Variants in WWC1 observed in about 807,000 individuals in gnomAD.
The protein encoded by WWC1 is WW and C2 domain containing 1, also known as protein KIBRA.
A neutral mutation model predicts 138.4 loss-of-function variants in WWC1; 55 were observed. The observed-to-expected ratio is 0.40, with a 90% CI of 0.32 to 0.50. The LOEUF is 0.50. WWC1 is among the 20% of genes least tolerant of loss of function. The pLI is 0.72. For missense variants in WWC1, 1,226 were observed against 1,420.4 expected, an observed-to-expected ratio of 0.86 and a Z score of 2.20; for synonymous variants, 524 against 564.9, an observed-to-expected ratio of 0.93 and a Z score of 1.03.
chr5:168,412,879 A>G (rs1247117542), intron 8 of WWC1, among the ~76,000 whole-genome samples: 1 of 152,226 alleles, frequency 6.6e-6, no homozygotes, highest in African/African-American at 2.4e-5. Flanking sequence ...GCCATTTTAT[A>G]TAAAGCACTT....
intron 3 of WWC1, among the ~76,000 whole-genome samples, chr5:168,389,597 G>GTTTTTTTTTT (rs55873477): frequency 4.6e-5 from 6 of 129,328 alleles, no homozygotes; most frequent in African/African-American, 1.2e-4. Context: ...TTGAATTTTT[G>GTTTTTTTTTT]TTTTTTTTTT....
At chr5:168,436,103 A>C (rs1782331321) in intron 15 of WWC1, among the ~76,000 whole-genome samples, 1 of 152,092 alleles carries the variant, frequency 6.6e-6, no homozygotes, top group African/African-American at 2.4e-5. Context: ...TTTTCCTCCG[A>C]AAGTGGTGGG....
At chr5:168,307,390 A>G (rs1770670176) in intron 1 of WWC1, among the ~76,000 whole-genome samples, 1 of 151,890 alleles carries the variant, frequency 6.6e-6, no homozygotes, top group South Asian at 2.1e-4. Flanking sequence ...TGATTCCTTC[A>G]TTGGCACTTT....
At chr5:168,437,773 G>A (rs1449432286) in intron 15 of WWC1, among the ~76,000 whole-genome samples, 1 of 152,164 alleles carries the variant, frequency 6.6e-6, no homozygotes, top group Non-Finnish European at 1.5e-5. Flanking sequence ...TCTGCTGGAG[G>A]TGTTACACCT....
chr5:168,433,957 G>A (rs11134513), intron 15 of WWC1, among the ~76,000 whole-genome samples: 10,409 of 152,266 alleles, frequency 0.068, 987 homozygotes, highest in East Asian at 0.36. Flanking sequence ...GGCAGAAGCC[G>A]TATTTGAACC....
At chr5:168,307,821 A>G (rs1374480438) in intron 1 of WWC1, among the ~76,000 whole-genome samples, 1 of 152,004 alleles carries the variant, frequency 6.6e-6, no homozygotes, top group Non-Finnish European at 1.5e-5. Context: ...CATGTTAGCC[A>G]GGCTGGTCTC....
chr5:168,367,103 G>A (rs1284065054), intron 1 of WWC1, among the ~76,000 whole-genome samples: 1 of 151,810 alleles, frequency 6.6e-6, no homozygotes, highest in African/African-American at 2.4e-5. Context: ...AGCCGACTTT[G>A]AAACACTTAA....
chr5:168,293,843 C>T (rs1187257173), intron 1 of WWC1, among the ~76,000 whole-genome samples: 4 of 152,196 alleles, frequency 2.6e-5, no homozygotes, highest in Non-Finnish European at 5.9e-5. Context: ...TGCCATTCTG[C>T]GTACCAGTTC....
At chr5:168,298,432 C>T (rs771900392) in intron 1 of WWC1, among the ~76,000 whole-genome samples, 15 of 152,182 alleles carry the variant, frequency 9.9e-5, no homozygotes, top group Non-Finnish European at 1.8e-4. Context: ...TAATGATCCA[C>T]TAATACCTGT....
intron 15 of WWC1, among the ~76,000 whole-genome samples, chr5:168,434,877 T>G (rs1482758724): frequency 3.3e-5 from 5 of 152,168 alleles, no homozygotes; most frequent in Non-Finnish European, 7.3e-5. Context: ...CAGGCCCCAC[T>G]GACGTCCCAT....
intron 1 of WWC1, among the ~76,000 whole-genome samples, chr5:168,321,816 C>T (rs548391261): frequency 1.3e-5 from 2 of 152,332 alleles, no homozygotes; most frequent in East Asian, 1.9e-4. Flanking sequence ...GGATTACAGG[C>T]GTGAGCCACG....
At chr5:168,361,287 G>A (rs1775859423) in intron 1 of WWC1, among the ~76,000 whole-genome samples, 1 of 152,164 alleles carries the variant, frequency 6.6e-6, no homozygotes, top group African/African-American at 2.4e-5. Context: ...TCAGGAATGA[G>A]GATGAAGCTG....
At chr5:168,298,675 G>A (rs1458052973) in intron 1 of WWC1, among the ~76,000 whole-genome samples, 1 of 152,160 alleles carries the variant, frequency 6.6e-6, no homozygotes, top group Non-Finnish European at 1.5e-5. Flanking sequence ...AGCATCTATT[G>A]AGTGTTTACT....
At chr5:168,363,284 G>T (rs1044873377) in intron 1 of WWC1, among the ~76,000 whole-genome samples, 1 of 152,068 alleles carries the variant, frequency 6.6e-6, no homozygotes, top group African/African-American at 2.4e-5. Context: ...AGAATTTTGG[G>T]AGGCCGAGGC....
chr5:168,419,991 C>T (rs578010187), intron 9 of WWC1, among the ~76,000 whole-genome samples: 9 of 152,294 alleles, frequency 5.9e-5, no homozygotes, highest in East Asian at 3.9e-4. Flanking sequence ...TGTGACATTC[C>T]GTCACATCCA....
intron 15 of WWC1, among the ~76,000 whole-genome samples, chr5:168,440,604 A>G (rs1754658934): frequency 2.0e-5 from 3 of 152,080 alleles, no homozygotes; most frequent in African/African-American, 4.8e-5. Context: ...TGCAACCTCC[A>G]TCTCCTGAGT....
At position 168,441,714 on chromosome 5, in the gene WWC1, C is replaced by T; in HGVS notation, c.2313C>T (p.Cys771=). Residue 771 remains cysteine (C), a synonymous_variant, in exon 16 of 23, where the codon TGC becomes TGT. Coordinates refer to ENST00000265293, the MANE Select transcript of WWC1 (RefSeq NM_015238.3). ...CCCAGATCAGCCTGGCGGAGGTCTG[C>T]CGGTCTGGGGAGAGGTCGACTCGCT... ...GGAQISLAEV[C]RSGERSTRWY... 6.2e-7 allele frequency: 1 copy of T among 1,614,122 alleles called. No homozygotes were observed. The highest frequency in any genetic ancestry group is 1.7e-5 in the Admixed American group (1 of 60,018).
chr5:168,293,932 C>T (rs921844583), intron 1 of WWC1, among the ~76,000 whole-genome samples: 15 of 152,214 alleles, frequency 9.9e-5, no homozygotes, highest in African/African-American at 3.6e-4. Flanking sequence ...GGTCAGTTGC[C>T]AGCTCTGCTA....
At chr5:168,357,978 G>C (rs1775588042) in intron 1 of WWC1, among the ~76,000 whole-genome samples, 2 of 152,220 alleles carry the variant, frequency 1.3e-5, no homozygotes, top group Admixed American at 1.3e-4. Flanking sequence ...CGAGCTTCTG[G>C]CTAGAGCAGC....
Sources: allele counts gnomAD v4.1 joint callset (sites outside exome capture counted in the v4.1 genomes callset), GRCh38; gene constraint gnomAD v4.1.1; transcripts MANE v1.5; gene names NCBI Gene and HGNC (gene_info 2026-07-23, HGNC 2026-07-21).